The following LOXL2 variants were observed in gnomAD, a reference collection of about 807,000 sequenced individuals.
LOXL2 encodes the protein lysyl oxidase homolog 2.
Under a neutral mutation model 93.0 loss-of-function variants are expected in LOXL2, and 70 were observed. The observed-to-expected ratio is 0.75, with a 90% CI of 0.62 to 0.92. The LOEUF (loss-of-function observed/expected upper bound fraction) is 0.92, where lower values mean the gene tolerates loss of function less well. LOXL2 is among the 40% of genes least tolerant of loss of function. LOXL2 has a pLI of 0.00. For missense variants in LOXL2, 973 were observed against 1,054.9 expected (o/e 0.92, Z 1.08); for synonymous variants, 438 against 413.2 (o/e 1.06, Z -0.73).
At chr8:23,346,606 G>A (rs1261556606) in intron 3 of LOXL2, among the ~76,000 whole-genome samples, 1 of 152,226 alleles carries the variant, frequency 6.6e-6, no homozygotes, top group African/African-American at 2.4e-5. Context: ...ATAGTCTGGG[G>A]CTGTCGCCAA....
intron 4 of LOXL2, among the ~76,000 whole-genome samples, chr8:23,334,773 T>TAGTAAG (rs869202470): frequency 8.6e-4 from 25 of 29,084 alleles, no homozygotes; most frequent in African/African-American, 2.5e-3. Flanking sequence ...AAATCAGAAG[T>TAGTAAG]AGTATCTGCT....
intron 9 of LOXL2, 75 bp from the exon 10 acceptor site, chr8:23,309,986 G>A: frequency 7.2e-7 from 1 of 1,391,064 alleles, no homozygotes; most frequent in South Asian, 1.8e-5. Flanking sequence ...TCTTGAGCTG[G>A]GACAAACCCC....
At chr8:23,328,709 ATGTGTGTGTGTGTGTGTGTGTGTG>A (rs60768341) in intron 5 of LOXL2, 144 bp from the exon 6 acceptor site, 3 of 460,370 alleles carry the variant, frequency 6.5e-6, no homozygotes, top group Non-Finnish European at 1.2e-5. Context: ...TGATGTATGG[ATGTGTGTGTGTGTGTGTGTGTGTG>A]TGTGTGTGTG....
At chr8:23,386,578 C>A (rs534139551) in intron 1 of LOXL2, among the ~76,000 whole-genome samples, 2 of 152,052 alleles carry the variant, frequency 1.3e-5, no homozygotes, top group Non-Finnish European at 2.9e-5. Context: ...CTTAATTTCA[C>A]AAAAGAAATA....
At chr8:23,321,851 A>C in intron 7 of LOXL2, 1 of 394,766 alleles carries the variant, frequency 2.5e-6, no homozygotes, top group Non-Finnish European at 4.6e-6. Flanking sequence ...CTGTCTTTGG[A>C]GGTGGTGGGG....
At chr8:23,403,560 C>T (rs1192686623) in intron 1 of LOXL2, among the ~76,000 whole-genome samples, 1 of 152,202 alleles carries the variant, frequency 6.6e-6, no homozygotes, top group African/African-American at 2.4e-5. Flanking sequence ...CCGCGTGCCC[C>T]ACTCCTCAAA....
At chr8:23,373,965 T>C (rs1804543878) in intron 1 of LOXL2, among the ~76,000 whole-genome samples, 1 of 152,196 alleles carries the variant, frequency 6.6e-6, no homozygotes, top group Non-Finnish European at 1.5e-5. Flanking sequence ...TTTCTTTTTT[T>C]ATACTGTAAG....
chr8:23,298,965 A>G lies in LOXL2; in HGVS notation c.2134-18T>C. The G allele has an allele frequency of 6.8e-7, 1 of 1,465,072 alleles. No homozygotes were observed. The highest frequency in any genetic ancestry group is 9.6e-7 in the Non-Finnish European group (1 of 1,044,538). 90.8% of individuals were successfully genotyped at this position (1,465,072 alleles called of 1,614,324 possible). On this transcript the variant is annotated intron_variant, in intron 12 of 13. Transcript: ENST00000389131. Reference sequence around the variant, plus strand: ...ATAACAACCTAGGGAGAAGCAGGGCAGAGGAGGCTGCTTGTTCCCTCTGCG... The same window carrying G: ...ATAACAACCTAGGGAGAAGCAGGGCGGAGGAGGCTGCTTGTTCCCTCTGCG...
At chr8:23,363,381 T>A (rs1804335029) in intron 2 of LOXL2, 1 of 152,206 alleles carries the variant, frequency 6.6e-6, no homozygotes, top group Non-Finnish European at 1.5e-5. Flanking sequence ...ACATCTGGGC[T>A]GAGGTTTTCC....
chr8:23,346,153 A>T (rs1188714175), intron 3 of LOXL2, among the ~76,000 whole-genome samples: 1 of 129,794 alleles, frequency 7.7e-6, no homozygotes, highest in African/African-American at 2.9e-5. Flanking sequence ...AAATAAAATA[A>T]AATAAAAAAT....
intron 1 of LOXL2, among the ~76,000 whole-genome samples, chr8:23,399,515 AAG>A (rs1299332668): frequency 6.6e-6 from 1 of 152,142 alleles, no homozygotes; most frequent in Non-Finnish European, 1.5e-5. Flanking sequence ...ACAAGAGGAA[AAG>A]AGACTTGAGC....
intron 6 of LOXL2, among the ~76,000 whole-genome samples, chr8:23,323,374 C>T (rs921542036): frequency 5.3e-5 from 8 of 152,222 alleles, no homozygotes; most frequent in East Asian, 1.9e-4. Context: ...CAAACGCCCA[C>T]GCTCTCCTCC....
At chr8:23,302,374 C>T (rs1012795261) in intron 11 of LOXL2, among the ~76,000 whole-genome samples, 3 of 152,310 alleles carry the variant, frequency 2.0e-5, no homozygotes, top group African/African-American at 7.2e-5. Flanking sequence ...GGCTCAAGTT[C>T]CCCTTCCTCC....
chr8:23,379,916 G>C (rs1804653338), intron 1 of LOXL2, among the ~76,000 whole-genome samples: 1 of 151,958 alleles, frequency 6.6e-6, no homozygotes, highest in East Asian at 1.9e-4. Context: ...CCTTGCTTCG[G>C]CTCACACTCT....
chr8:23,307,953 G>GAAAA (rs1554475672), intron 10 of LOXL2, among the ~76,000 whole-genome samples: 10 of 83,556 alleles, frequency 1.2e-4, no homozygotes, highest in African/African-American at 4.7e-4. Flanking sequence ...GCTGCGATAT[G>GAAAA]AAAAAAAAAA....
intron 1 of LOXL2, among the ~76,000 whole-genome samples, chr8:23,397,549 C>T (rs13439159): frequency 3.3e-4 from 50 of 151,990 alleles, no homozygotes; most frequent in Non-Finnish European, 6.6e-4. Flanking sequence ...GAGGCCCAGG[C>T]GGGTGGATCA....
chr8:23,318,251 T>C (rs1032874421), intron 8 of LOXL2, among the ~76,000 whole-genome samples: 10 of 151,692 alleles, frequency 6.6e-5, no homozygotes, highest in African/African-American at 1.9e-4. Context: ...CTTCAGACTC[T>C]AGCTGCAACA....
chr8:23,344,374 T>C (rs1803934191), intron 3 of LOXL2, among the ~76,000 whole-genome samples: 1 of 152,054 alleles, frequency 6.6e-6, no homozygotes, highest in South Asian at 2.1e-4. Context: ...TGGTGTGTGC[T>C]TGATGGTCTG....
At chr8:23,348,332 C>CCAG (rs1804028047) in intron 3 of LOXL2, among the ~76,000 whole-genome samples, 1 of 151,972 alleles carries the variant, frequency 6.6e-6, no homozygotes, top group South Asian at 2.1e-4. Flanking sequence ...GTGCAGCGGG[C>CCAG]CAGCATGGCA....
Sources: allele counts gnomAD v4.1 joint callset (sites outside exome capture counted in the v4.1 genomes callset), GRCh38; gene constraint gnomAD v4.1.1; transcripts MANE v1.5; gene names NCBI Gene and HGNC (gene_info 2026-07-23, HGNC 2026-07-21).